TSPAN16: variants seen among roughly 807,000 people sequenced by gnomAD.
TSPAN16 encodes tetraspanin 16.
In TSPAN16, 23 loss-of-function variants were observed where a neutral mutation model predicts 25.2. That is an observed-to-expected ratio of 0.91 (90% CI 0.66 to 1.29). The LOEUF (loss-of-function observed/expected upper bound fraction) is 1.29, where lower values mean the gene tolerates loss of function less well. Among genes scored for constraint, TSPAN16 ranks in the 50% most tolerant of loss-of-function variants. The pLI is 0.00. For synonymous variants in TSPAN16, 123 were observed against 124.4 expected (o/e 0.99, Z 0.08); for missense variants, 272 against 299.9 (o/e 0.91, Z 0.69).
intron 6 of TSPAN16, among the ~76,000 whole-genome samples, chr19:11,312,629 G>C (rs973093632): frequency 6.6e-6 from 1 of 151,882 alleles, no homozygotes; most frequent in Non-Finnish European, 1.5e-5. Context: ...TCCAGGTGTG[G>C]TGGCAGATGC....
downstream of TSPAN16, among the ~76,000 whole-genome samples, chr19:11,317,458 G>A (rs2080755050): frequency 1.3e-5 from 2 of 152,072 alleles, no homozygotes; most frequent in Non-Finnish European, 2.9e-5. Context: ...TGGGACTACA[G>A]GCATGCGCCA....
downstream of TSPAN16, among the ~76,000 whole-genome samples, chr19:11,316,200 C>A (rs2080748601): frequency 6.6e-6 from 1 of 150,954 alleles, no homozygotes; most frequent in Non-Finnish European, 1.5e-5. Flanking sequence ...CTCACTGCAA[C>A]CTCCACCTCC....
At chr19:11,296,518 G>C in intron 1 of TSPAN16, 152 bp downstream of exon 1, 1 of 758,890 alleles carries the variant, frequency 1.3e-6, no homozygotes, top group East Asian at 2.6e-5. Context: ...GGAGGAGGAG[G>C]AGCAGGGAGC....
intron 1 of TSPAN16, among the ~76,000 whole-genome samples, chr19:11,297,532 T>A (rs966215208): frequency 5.5e-5 from 8 of 146,320 alleles, no homozygotes; most frequent in African/African-American, 1.9e-4. Context: ...AGTCTTGCTC[T>A]GTCACCCAGG....
At chr19:11,321,047 T>C (rs935514669) in intron 6 of TSPAN16, among the ~76,000 whole-genome samples, 2 of 151,656 alleles carry the variant, frequency 1.3e-5, no homozygotes, top group African/African-American at 4.8e-5. Context: ...AGTGTGCCTG[T>C]AATCCCAGCT....
intron 6 of TSPAN16, chr19:11,322,728 G>C (rs958021815): frequency 2.6e-5 from 4 of 152,144 alleles, no homozygotes; most frequent in African/African-American, 7.2e-5. Context: ...CAGCTCTCTC[G>C]GCTGCTACTT....
At chr19:11,311,766 A>T (rs1325051534) in intron 5 of TSPAN16, among the ~76,000 whole-genome samples, 1 of 152,144 alleles carries the variant, frequency 6.6e-6, no homozygotes, top group East Asian at 1.9e-4. Context: ...AGGCAGATCC[A>T]GTGGGTGCCA....
rs768603805 is a variant in TSPAN16 at position 11,298,899 on chromosome 19, AT to A, written c.296del (p.Ile99ThrfsTer27). 4.3e-6 allele frequency: 7 copies of A among 1,614,032 alleles called. No individual in the cohort carries two copies. In the African/African-American group the frequency reaches 5.3e-5, roughly 12 times the overall value. ...FCILSMVIVL[I>X]MEVTAATVVL... is the part of the protein sequence containing the mutation. The stretch of plus-strand genomic sequence containing the variant: ...CATCCTGTCAATGGTTATTGTCCTC[AT>A]CATGGAAGTTACAGCTGCCACAGTG... On this transcript the variant is annotated frameshift_variant, in exon 3 of 7. Transcript: ENST00000590327. LOFTEE classifies it high-confidence loss of function.
At position 11,296,263 on chromosome 19, in the gene TSPAN16, A is replaced by T; in HGVS notation, c.-35A>T. 1 of 1,606,810 alleles carries T rather than the reference A, an allele frequency of 6.2e-7. No homozygotes were observed. Among genetic ancestry groups the T allele is most frequent in the African/African-American group, 1.3e-5 (1 of 74,880 alleles). On this transcript the variant is annotated 5_prime_UTR_variant, in exon 1 of 7. Transcript: ENST00000590327. ...TAGCCCAGAGGTTCAGGAAGATGTT[A>T]ACTTAAATGTTCAGGGTGCCCCAGT...
At chr19:11,312,038 C>A in intron 5 of TSPAN16, 101 bp from the exon 6 acceptor site, 2 of 840,202 alleles carry the variant, frequency 2.4e-6, no homozygotes, top group Non-Finnish European at 3.9e-6. Flanking sequence ...CTCAAAGAAT[C>A]TGAGAGTCGT....
At position 11,298,401 on chromosome 19, in the gene TSPAN16, T is replaced by C. The variant is rs1452382547; in HGVS notation, c.267+62T>C. On this transcript the variant is annotated intron_variant, in intron 2 of 6. Coordinates refer to ENST00000590327, the MANE Select transcript of TSPAN16 (RefSeq NM_001282509.2). ...CCCCACACACACAAATCTTTTATTG[T>C]GCGTGTTGCAAACAACTTTGCTTGG... 17 of 1,528,056 alleles carry C rather than the reference T, an allele frequency of 1.1e-5. No individual in the cohort carries two copies. In the East Asian group the frequency reaches 3.2e-4, roughly 29 times the overall value. The allele number at this position is 1,528,056 out of a possible 1,614,324, so 94.7% of individuals were successfully genotyped here.
chr19:11,326,699 G>A, intron 6 of TSPAN16: 1 of 667,844 alleles, frequency 1.5e-6, no homozygotes, highest in Admixed American at 2.1e-5. Flanking sequence ...AACCTCCTGG[G>A]CTCAAGCGAT....
intron 6 of TSPAN16, chr19:11,323,797 C>CA (rs2080795179): frequency 6.6e-6 from 1 of 152,276 alleles, no homozygotes; most frequent in African/African-American, 2.4e-5. Flanking sequence ...ACCTCTGAAA[C>CA]AGAGTCAGGG....
At chr19:11,310,743 T>G (rs536092154) in intron 5 of TSPAN16, among the ~76,000 whole-genome samples, 1 of 152,330 alleles carries the variant, frequency 6.6e-6, no homozygotes, top group East Asian at 1.9e-4. Context: ...TCTGTTCATA[T>G]GTAAAGAGCA....
At chr19:11,304,876 C>G (rs2080608803) in intron 4 of TSPAN16, among the ~76,000 whole-genome samples, 1 of 152,084 alleles carries the variant, frequency 6.6e-6, no homozygotes, top group Non-Finnish European at 1.5e-5. Context: ...GTCTCGAACT[C>G]CTGGGCTCAA....
At chr19:11,308,526 A>T (rs1014413774) in intron 5 of TSPAN16, among the ~76,000 whole-genome samples, 3 of 149,296 alleles carry the variant, frequency 2.0e-5, no homozygotes, top group African/African-American at 7.4e-5. Flanking sequence ...GCTGGAGTGC[A>T]GTAGCGCAAT....
Position 11,296,317 on chromosome 19 carries a change from C to T in TSPAN16, c.20C>T (p.Pro7Leu), listed in dbSNP as rs769478945. The change falls in exon 1 of 7, where the codon CCG becomes CTG. Residue 7 changes from proline to leucine, a missense_variant. Transcript: ENST00000590327. ...TTCAGCATGGCTGAAATCCACACTCCGTATTCTTCCTTGAAGAAACTGTTA... is the reference window on the plus strand; with the variant it reads ...TTCAGCATGGCTGAAATCCACACTCTGTATTCTTCCTTGAAGAAACTGTTA... MAEIHT[P>L]YSSLKKLLSL... is the part of the protein sequence containing the mutation. 8.7e-6 allele frequency: 14 copies of T among 1,614,024 alleles called. No homozygotes were observed. The highest frequency in any genetic ancestry group is 6.7e-5 in the Admixed American group (4 of 59,980).
At chr19:11,297,403 A>G (rs192433424) in intron 1 of TSPAN16, among the ~76,000 whole-genome samples, 1 of 152,308 alleles carries the variant, frequency 6.6e-6, no homozygotes, top group East Asian at 1.9e-4. Flanking sequence ...CGTAGTTTCA[A>G]CAGACACCTT....
At chr19:11,323,310 TC>T (rs2080791968) in intron 6 of TSPAN16, 1 of 152,188 alleles carries the variant, frequency 6.6e-6, no homozygotes, top group Non-Finnish European at 1.5e-5. Context: ...AAAGATACCC[TC>T]GGCTGGGCGT....
Sources: allele counts gnomAD v4.1 joint callset (sites outside exome capture counted in the v4.1 genomes callset), GRCh38; gene constraint gnomAD v4.1.1; transcripts MANE v1.5; gene names NCBI Gene and HGNC (gene_info 2026-07-23, HGNC 2026-07-21).